PPWD1: variants seen among roughly 807,000 people sequenced by gnomAD.
PPWD1 encodes the protein peptidylprolyl isomerase domain and WD repeat containing 1.
In PPWD1, 43 loss-of-function variants were observed where a neutral mutation model predicts 68.8. That is an observed-to-expected ratio of 0.62 (90% CI 0.49 to 0.81). The LOEUF is 0.81. PPWD1 is among the 30% of genes least tolerant of loss of function. PPWD1 has a pLI of 0.00. For missense variants in PPWD1, 672 were observed against 804.8 expected (o/e 0.83, Z 2.00); for synonymous variants, 232 against 258.7 (o/e 0.90, Z 0.99).
intron 1 of PPWD1, 133 bp from the exon 2 acceptor site, chr5:65,567,380 G>C: frequency 7.8e-7 from 1 of 1,290,022 alleles, no homozygotes; most frequent in Non-Finnish European, 1.0e-6. Context: ...TTTTTTAATT[G>C]TGAATTGAGA....
intron 7 of PPWD1, among the ~76,000 whole-genome samples, chr5:65,581,264 T>TTTGTTAGGAAGTTAATTAATTTAATTTAA (rs1753582525): frequency 6.6e-6 from 1 of 152,206 alleles, no homozygotes; most frequent in Admixed American, 6.5e-5. Flanking sequence ...TTAATTTAAC[T>TTTGTTAGGAAGTTAATTAATTTAATTTAA]TTGTTAGGAA....
intron 5 of PPWD1, 118 bp from the exon 6 acceptor site, chr5:65,576,761 G>A: frequency 7.1e-7 from 1 of 1,406,904 alleles, no homozygotes; most frequent in Non-Finnish European, 9.4e-7. Context: ...ACAGTTAGTG[G>A]CTCTTAATAT....
chr5:65,573,477 T>TATA (rs1561725705), intron 5 of PPWD1, among the ~76,000 whole-genome samples: 2 of 20,146 alleles, frequency 9.9e-5, no homozygotes, highest in African/African-American at 2.3e-4. Context: ...ATATATATAT[T>TATA]TTTTTTTTAT....
rs895711969 is a variant in PPWD1 at position 65,587,336 on chromosome 5, C to T, written c.1881C>T (p.Val627=). The T allele has an allele frequency of 1.4e-5, 23 of 1,612,640 alleles. No homozygotes were observed. In the Admixed American group the frequency reaches 2.3e-4, roughly 16 times the overall value. The change falls in exon 11 of 11, where the codon GTC becomes GTT. Residue 627 remains valine (V), a synonymous_variant. Transcript: ENST00000261308. The stretch of plus-strand genomic sequence containing the variant: ...TACAGAGGATCTCCAACGTCAAAGT[C>T]AATCCCAAAACAGATAAGCCCTATG... ...EVVQRISNVK[V]NPKTDKPYED...
intron 1 of PPWD1, among the ~76,000 whole-genome samples, chr5:65,566,101 G>A (rs261248): frequency 0.62 from 93,782 of 151,470 alleles, 29,250 homozygotes; most frequent in South Asian, 0.65. Flanking sequence ...TGTGTTCTTA[G>A]TAAGTATTTG....
chr5:65,565,043 T>C (rs1561719647), intron 1 of PPWD1, among the ~76,000 whole-genome samples: 1 of 152,236 alleles, frequency 6.6e-6, no homozygotes, highest in East Asian at 1.9e-4. Flanking sequence ...TTTTTGAACG[T>C]TGTATATTGA....
At chr5:65,581,373 G>GC (rs1753588504) in intron 7 of PPWD1, among the ~76,000 whole-genome samples, 1 of 152,078 alleles carries the variant, frequency 6.6e-6, no homozygotes, top group Non-Finnish European at 1.5e-5. Flanking sequence ...GATCATTTGA[G>GC]CCCAGGACCA....
intron 5 of PPWD1, among the ~76,000 whole-genome samples, chr5:65,575,315 CCTAGG>C (rs1416182716): frequency 6.6e-6 from 1 of 152,198 alleles, no homozygotes; most frequent in Non-Finnish European, 1.5e-5. Flanking sequence ...AGTCCAGCAT[CCTAGG>C]CTATTCCTGG....
chr5:65,574,596 TG>T (rs1352393499), intron 5 of PPWD1, among the ~76,000 whole-genome samples: 2 of 151,366 alleles, frequency 1.3e-5, no homozygotes, highest in African/African-American at 4.9e-5. Context: ...CCCGAGTAGC[TG>T]GGACTACAGG....
Position 65,575,401 on chromosome 5 carries a change from C to G in PPWD1, c.970-1478C>G, listed in dbSNP as rs183157615. On this transcript the variant is annotated intron_variant, in intron 5 of 10. Coordinates refer to ENST00000261308, the MANE Select transcript of PPWD1 (RefSeq NM_015342.4). ...GACTAGAGACAAGAAAACCTAACAA[C>G]TAGGCTTTTTAACTGTTCTGTAAGA... Among the ~76,000 whole-genome samples, 93 of 152,340 alleles carry G rather than the reference C, an allele frequency of 6.1e-4. 2 individuals carry two copies. Among genetic ancestry groups the G allele is most frequent in the Non-Finnish European group, 1.6e-4 (11 of 68,030 alleles).
intron 2 of PPWD1, among the ~76,000 whole-genome samples, chr5:65,568,723 C>G (rs1353077096): frequency 1.3e-5 from 2 of 151,922 alleles, no homozygotes; most frequent in African/African-American, 2.4e-5. Flanking sequence ...TTCTTGATGT[C>G]TTGAAGACAA....
At chr5:65,563,549 C>T in intron 1 of PPWD1, 43 bp downstream of exon 1, 3 of 1,566,354 alleles carry the variant, frequency 1.9e-6, no homozygotes, top group Non-Finnish European at 2.6e-6. Flanking sequence ...AGTGCTGCGT[C>T]CGCTGAGTAG....
chr5:65,570,474 T>A, intron 4 of PPWD1: 1 of 358,706 alleles, frequency 2.8e-6, no homozygotes, highest in East Asian at 1.7e-4. Context: ...TTTAAGCATG[T>A]CTTTTTTAAG....
intron 8 of PPWD1, among the ~76,000 whole-genome samples, chr5:65,584,728 AT>A (rs961417545): frequency 7.2e-5 from 11 of 151,768 alleles, no homozygotes; most frequent in African/African-American, 2.7e-4. Context: ...CTATGGCTGT[AT>A]TTTTTTTGAC....
At chr5:65,579,816 T>C (rs545012378) in intron 7 of PPWD1, among the ~76,000 whole-genome samples, 1 of 152,358 alleles carries the variant, frequency 6.6e-6, no homozygotes, top group South Asian at 2.1e-4. Flanking sequence ...CCATCATGTT[T>C]TGAAATTTTT....
intron 9 of PPWD1, 24 bp downstream of exon 9, chr5:65,585,119 A>C: frequency 6.4e-7 from 1 of 1,565,842 alleles, no homozygotes; most frequent in Non-Finnish European, 8.8e-7. Flanking sequence ...ATTTCATGTC[A>C]TATAAGAAAT....
chr5:65,573,476 T>TATATATATATATATATATATA (rs201295161), intron 5 of PPWD1, among the ~76,000 whole-genome samples: 33 of 59,650 alleles, frequency 5.5e-4, no homozygotes, highest in African/African-American at 8.3e-4. Context: ...TATATATATA[T>TATATATATATATATATATATA]TTTTTTTTTA....
At chr5:65,578,799 T>TATATGTGTATATATATATACAC (rs1561729506) in intron 6 of PPWD1, among the ~76,000 whole-genome samples, 5 of 127,636 alleles carry the variant, frequency 3.9e-5, no homozygotes, top group African/African-American at 1.1e-4. Flanking sequence ...TATATATACA[T>TATATGTGTATATATATATACAC]ATATATGTGT....
chr5:65,563,497 A>C lies in PPWD1; in HGVS notation c.187A>C (p.Lys63Gln). 15 of 1,612,446 alleles carry C rather than the reference A, an allele frequency of 9.3e-6. No homozygotes were observed. The highest frequency in any genetic ancestry group is 1.3e-5 in the Non-Finnish European group (15 of 1,179,418). ...ACCTGTGGAGGCAACACTGGCCAAG[A>C]AGAGGAAAGGTAGCTGCAGACATAG... ...PLPVEATLAKKRKVLEFERVY... is the reference protein window; with the variant it reads ...PLPVEATLAKQRKVLEFERVY... The change falls in exon 1 of 11, where the codon AAG (lysine) becomes CAG (glutamine). Residue 63 changes from lysine (K) to glutamine (Q), a missense_variant. Coordinates refer to ENST00000261308, the MANE Select transcript of PPWD1 (RefSeq NM_015342.4).
Sources: gnomAD v4.1 joint callset for allele counts (sites outside exome capture counted in the v4.1 genomes callset) on GRCh38, gnomAD v4.1.1 for gene constraint, MANE v1.5 for transcripts, NCBI Gene and HGNC (gene_info 2026-07-23, HGNC 2026-07-21) for gene names.